Variants in SRRM4 observed in about 807,000 individuals in gnomAD.
SRRM4 encodes serine/arginine repetitive matrix 4.
A neutral mutation model predicts 68.9 loss-of-function variants in SRRM4; 33 were observed. The ratio of observed to expected loss-of-function variants is 0.48; its 90% CI spans 0.36 to 0.64. The LOEUF is 0.64. SRRM4 is among the 30% of genes least tolerant of loss of function. The pLI is 0.00. For missense variants in SRRM4, 817 were observed against 827.1 expected (o/e 0.99, Z 0.15); for synonymous variants, 318 against 318.8 (o/e 1.00, Z 0.03).
chr12:119,112,633 C>T (rs954398937), intron 2 of SRRM4, among the ~76,000 whole-genome samples: 2 of 152,130 alleles, frequency 1.3e-5, no homozygotes, highest in African/African-American at 4.8e-5. Flanking sequence ...ATACTATGAA[C>T]AAGATCCTGT....
chr12:119,044,699 C>A (rs1183176799), intron 1 of SRRM4, among the ~76,000 whole-genome samples: 3 of 152,002 alleles, frequency 2.0e-5, no homozygotes, highest in Non-Finnish European at 4.4e-5. Flanking sequence ...CTGGGAGGAA[C>A]CAGGGAGATA....
chr12:119,116,940 C>T lies in SRRM4; in HGVS notation c.369C>T (p.Ser123=). The change falls in exon 4 of 13, where the codon TCC becomes TCT. Residue 123 remains serine (S), a synonymous_variant. Coordinates refer to ENST00000267260, the MANE Select transcript of SRRM4 (RefSeq NM_194286.4). ...KKSTRKKRRR[S]SSYSPSPVKK... ...TGTGTCTTCTTGGCCCTGGCAGGTC[C>T]TCATCCTATAGCCCATCGCCTGTCA... 1 of 1,613,628 alleles carries T rather than the reference C, an allele frequency of 6.2e-7. No individual in the cohort carries two copies. The highest frequency in any genetic ancestry group is 2.2e-5 in the East Asian group (1 of 44,858).
In SRRM4 at chr12:119,098,848, T is replaced by A. The variant is rs529062742; in HGVS notation, c.132-3388T>A. Among the ~76,000 whole-genome samples, 15 of 152,304 alleles carry A rather than the reference T, an allele frequency of 9.8e-5. No individual in the cohort carries two copies. In the South Asian group the frequency reaches 3.1e-3, roughly 32 times the overall value. Reference sequence around the variant, plus strand: ...ATCATGTCAGTACTACTTTCAAAATTTCTTAGAATCAGACCACATCTTATC... The same window carrying A: ...ATCATGTCAGTACTACTTTCAAAATATCTTAGAATCAGACCACATCTTATC... On this transcript the variant is annotated intron_variant, in intron 1 of 12. Transcript: ENST00000267260.
intron 1 of SRRM4, among the ~76,000 whole-genome samples, chr12:119,007,312 A>G (rs1461958295): frequency 1.3e-5 from 2 of 152,224 alleles, no homozygotes; most frequent in African/African-American, 2.4e-5. Flanking sequence ...ATAAATACTG[A>G]TGTACAAAAA....
intron 1 of SRRM4, among the ~76,000 whole-genome samples, chr12:119,083,792 G>A (rs1953963748): frequency 6.6e-6 from 1 of 152,182 alleles, no homozygotes; most frequent in African/African-American, 2.4e-5. Context: ...ACATTGCTAG[G>A]TGCCTACAGT....
At chr12:118,984,482 GGGAGT>G (rs1042647139) in intron 1 of SRRM4, among the ~76,000 whole-genome samples, 2 of 152,162 alleles carry the variant, frequency 1.3e-5, no homozygotes, top group Non-Finnish European at 2.9e-5. Context: ...GGGGATGGCA[GGGAGT>G]GGGTGGAGGA....
intron 5 of SRRM4, among the ~76,000 whole-genome samples, chr12:119,120,908 AG>A (rs1954215261): frequency 6.6e-6 from 1 of 152,218 alleles, no homozygotes; most frequent in Non-Finnish European, 1.5e-5. Context: ...ACAGAGGGTA[AG>A]GGGAGTGACG....
chr12:119,036,933 C>T (rs1953631439), intron 1 of SRRM4: 1 of 152,174 alleles, frequency 6.6e-6, no homozygotes, highest in Non-Finnish European at 1.5e-5. Flanking sequence ...GGGTGGGCTC[C>T]ATGTCCATTC....
At chr12:119,007,406 T>C (rs186146306) in intron 1 of SRRM4, among the ~76,000 whole-genome samples, 1 of 152,234 alleles carries the variant, frequency 6.6e-6, no homozygotes, top group Non-Finnish European at 1.5e-5. Context: ...ATTTTCTCTC[T>C]CTTTTTTCTC....
chr12:119,142,493 C>T (rs1387285287), intron 8 of SRRM4, among the ~76,000 whole-genome samples: 3 of 152,316 alleles, frequency 2.0e-5, no homozygotes, highest in South Asian at 2.1e-4. Context: ...AGGGGCCTCA[C>T]ATTCAAGAAA....
chr12:119,136,841 T>C (rs1340422487), intron 8 of SRRM4, among the ~76,000 whole-genome samples: 4 of 151,928 alleles, frequency 2.6e-5, no homozygotes, highest in Non-Finnish European at 5.9e-5. Context: ...TTAAGGAAAA[T>C]AATAAGGAGG....
At chr12:119,066,921 T>C (rs1474435303) in intron 1 of SRRM4, among the ~76,000 whole-genome samples, 1 of 152,176 alleles carries the variant, frequency 6.6e-6, no homozygotes, top group Non-Finnish European at 1.5e-5. Flanking sequence ...ATTCTACCCA[T>C]AAATTTACTA....
intron 1 of SRRM4, among the ~76,000 whole-genome samples, chr12:119,067,863 C>T (rs929254241): frequency 6.6e-6 from 1 of 152,158 alleles, no homozygotes; most frequent in Admixed American, 6.5e-5. Context: ...GGAGGTAATA[C>T]AGTGGGTGGA....
chr12:119,000,514 C>A lies in SRRM4; in HGVS notation c.131+18501C>A, dbSNP rs1055981619. On this transcript the variant is annotated intron_variant, in intron 1 of 12. Coordinates refer to ENST00000267260, the MANE Select transcript of SRRM4 (RefSeq NM_194286.4). ...CTCGTGACTGGCCCTGTACTAAAGA[C>A]CTCAGTGTTCTTGGTCTCCATTTAG... Among the ~76,000 whole-genome samples, 46 of 152,168 alleles carry A rather than the reference C, an allele frequency of 3.0e-4. 1 individual carries two copies. Among genetic ancestry groups the A allele is most frequent in the Middle Eastern group, 3.2e-3 (1 of 316 alleles).
intron 1 of SRRM4, among the ~76,000 whole-genome samples, chr12:119,061,685 G>GTTT (rs1953813065): frequency 6.6e-6 from 1 of 152,152 alleles, no homozygotes; most frequent in South Asian, 2.1e-4. Flanking sequence ...TTTCTGAAAA[G>GTTT]ATAGATGTGT....
At chr12:119,101,120 C>G (rs182489006) in intron 1 of SRRM4, among the ~76,000 whole-genome samples, 1 of 152,340 alleles carries the variant, frequency 6.6e-6, no homozygotes, top group Non-Finnish European at 1.5e-5. Flanking sequence ...TCTGGATGCA[C>G]TGATGCAGAA....
intron 1 of SRRM4, among the ~76,000 whole-genome samples, chr12:118,983,354 A>G (rs1430913284): frequency 2.6e-5 from 4 of 152,232 alleles, no homozygotes; most frequent in Admixed American, 2.6e-4. Flanking sequence ...AGCACCAGCC[A>G]GTGTTTGCAG....
At chr12:119,060,115 T>C (rs1225607107) in intron 1 of SRRM4, among the ~76,000 whole-genome samples, 2 of 152,132 alleles carry the variant, frequency 1.3e-5, no homozygotes, top group Non-Finnish European at 2.9e-5. Flanking sequence ...TCTCCATCTA[T>C]AAAATGAAGT....
intron 1 of SRRM4, among the ~76,000 whole-genome samples, chr12:119,003,827 CA>C (rs1953400150): frequency 6.6e-6 from 1 of 152,146 alleles, no homozygotes; most frequent in South Asian, 2.1e-4. Context: ...TTCTCTTAAG[CA>C]AACCATCATA....
Sources: gnomAD v4.1 joint callset for allele counts (sites outside exome capture counted in the v4.1 genomes callset) on GRCh38, gnomAD v4.1.1 for gene constraint, MANE v1.5 for transcripts, NCBI Gene and HGNC (gene_info 2026-07-23, HGNC 2026-07-21) for gene names.